The following ACAP2 variants were observed in gnomAD, a reference collection of about 807,000 sequenced individuals.
ACAP2 encodes the protein ArfGAP with coiled-coil, ankyrin repeat and PH domains 2.
ACAP2 carries 39 observed loss-of-function variants against 115.8 expected under a neutral mutation model. The observed-to-expected ratio is 0.34, with a 90% confidence interval of 0.26 to 0.44. The LOEUF is 0.44. Ranked by LOEUF, ACAP2 falls within the 20% of genes least tolerant of loss-of-function variation. The pLI, the probability that ACAP2 is intolerant of heterozygous loss-of-function variation, is 1.00. For synonymous variants in ACAP2, 289 were observed against 315.8 expected, an observed-to-expected ratio of 0.92 and a Z score of 0.90; for missense variants, 662 against 927.6, an observed-to-expected ratio of 0.71 and a Z score of 3.72.
rs869120673 is a variant in ACAP2, at chr3:195,412,164, C to CAA, written c.54-20019_54-20018dup. ...TGGGTCACAGAGTGAGACCCTGTCT[C>CAA]AAAAAAAAAAAAAAAAAAAAAAAAA... is the stretch of plus-strand genomic sequence containing the variant. On this transcript the variant is annotated intron_variant, in intron 1 of 22. Coordinates refer to ENST00000326793, the MANE Select transcript of ACAP2 (RefSeq NM_012287.6). 2.7e-3 allele frequency among the ~76,000 whole-genome samples: 131 copies of CAA among 48,570 alleles called. 9 individuals are homozygous for CAA. The highest frequency in any genetic ancestry group is 6.9e-3 in the African/African-American group (98 of 14,144). The allele number at this position is 48,570 out of a possible 152,430, so 31.9% of individuals were successfully genotyped here.
At position 195,275,641 on chromosome 3, in the gene ACAP2, G is replaced by A. The variant is rs906846280; in HGVS notation, c.*3687C>T. The A allele has an allele frequency of 1.3e-5, 2 of 152,134 alleles. No individual in the cohort carries two copies. The highest frequency in any genetic ancestry group is 2.4e-5 in the African/African-American group (1 of 41,434). 9.4% of individuals were successfully genotyped at this position (152,134 alleles called of 1,614,324 possible). ...CTGACTGGTGGTCAGTCAGACCTGG[G>A]TAATGGTGCCAATTCTGCCACCAGC... On this transcript the variant is annotated 3_prime_UTR_variant, in exon 23 of 23. Transcript: ENST00000326793.
At chr3:195,427,869 T>C (rs574573831) in intron 1 of ACAP2, among the ~76,000 whole-genome samples, 1 of 152,036 alleles carries the variant, frequency 6.6e-6, no homozygotes, top group East Asian at 1.9e-4. Flanking sequence ...ATAACACCAC[T>C]GCACTCCAAC....
chr3:195,297,496 A>G (rs758076691), intron 15 of ACAP2, among the ~76,000 whole-genome samples: 1 of 152,218 alleles, frequency 6.6e-6, no homozygotes, highest in Non-Finnish European at 1.5e-5. Flanking sequence ...TACCTCTGCT[A>G]GAAGATTATC....
Position 195,381,911 on chromosome 3 carries a change from C to T in ACAP2, c.223G>A (p.Val75Ile). ...DLAQYSSNDA[V>I]VETSLTKFSD... ...ATTTTAGTAATACTAACCTCAACGA[C>T]AGCATCATTACTAGAATACTGAGCC... Residue 75 changes from valine (V) to isoleucine (I), a missense_variant, in exon 3 of 23, where the codon GTC (valine) becomes ATC (isoleucine). Around this residue, in one of 3 missense-constraint regions of ACAP2, gnomAD observed 401 missense variants for 604.4 expected, o/e 0.66. Transcript: ENST00000326793. 6.3e-7 allele frequency: 1 copy of T among 1,596,660 alleles called. No individual in the cohort carries two copies. The highest frequency in any genetic ancestry group is 8.5e-7 in the Non-Finnish European group (1 of 1,175,168).
intron 6 of ACAP2, among the ~76,000 whole-genome samples, chr3:195,340,882 T>G (rs1730821833): frequency 6.6e-6 from 1 of 152,192 alleles, no homozygotes; most frequent in Admixed American, 6.5e-5. Context: ...GTACAGTCTA[T>G]TCATCTTAAA....
chr3:195,314,497 G>A (rs1367676325), intron 10 of ACAP2, among the ~76,000 whole-genome samples: 1 of 152,138 alleles, frequency 6.6e-6, no homozygotes, highest in Non-Finnish European at 1.5e-5. Context: ...TTGAACGCCT[G>A]ACCTCAAGTG....
chr3:195,317,467 C>T (rs1729171866), intron 10 of ACAP2, among the ~76,000 whole-genome samples: 1 of 152,108 alleles, frequency 6.6e-6, no homozygotes, highest in Non-Finnish European at 1.5e-5. Context: ...ACTCATATTA[C>T]AGAATTTTTT....
intron 20 of ACAP2, among the ~76,000 whole-genome samples, chr3:195,290,813 A>T (rs543477611): frequency 1.6e-4 from 22 of 138,442 alleles, no homozygotes; most frequent in African/African-American, 6.2e-4. Context: ...ACTTTATCTC[A>T]AAATAAATAA....
rs1726319173 is a variant in ACAP2 at position 195,279,098 on chromosome 3, A to C, written c.*230T>G. ...TCTAGACTGAACTTCTGTCTACAGA[A>C]ATAGCCCTTTAAATAGGCTTTTTTA... On this transcript the variant is annotated 3_prime_UTR_variant, in exon 23 of 23. Coordinates refer to ENST00000326793, the MANE Select transcript of ACAP2 (RefSeq NM_012287.6). 1 of 362,904 alleles carries C rather than the reference A, an allele frequency of 2.8e-6. No individual in the cohort carries two copies. Among genetic ancestry groups the C allele is most frequent in the Admixed American group, 4.7e-5 (1 of 21,290 alleles). The allele number at this position is 362,904 out of a possible 1,614,324, so 22.5% of individuals were successfully genotyped here. A position where few individuals can be genotyped will look rare whatever the true frequency, so the allele number is the denominator to read the frequency against.
chr3:195,357,719 T>C (rs963594255), intron 4 of ACAP2: 7 of 152,248 alleles, frequency 4.6e-5, no homozygotes, highest in Non-Finnish European at 8.8e-5. Context: ...CTTCCAGATG[T>C]TATCCAAGAC....
chr3:195,312,736 A>G (rs1728849845), intron 10 of ACAP2, among the ~76,000 whole-genome samples: 1 of 152,240 alleles, frequency 6.6e-6, no homozygotes, highest in South Asian at 2.1e-4. Context: ...ATTCCTTTAC[A>G]GATTAAAACA....
At chr3:195,369,363 C>G (rs542381774) in intron 4 of ACAP2, among the ~76,000 whole-genome samples, 3 of 152,242 alleles carry the variant, frequency 2.0e-5, no homozygotes, top group Admixed American at 6.5e-5. Flanking sequence ...TGTTTCATCA[C>G]CCAGGTAACA....
chr3:195,421,703 G>A (rs1048515206), intron 1 of ACAP2, among the ~76,000 whole-genome samples: 4 of 152,178 alleles, frequency 2.6e-5, no homozygotes, highest in African/African-American at 9.7e-5. Flanking sequence ...TTTGTAATTT[G>A]TACGGAAGTT....
intron 1 of ACAP2, among the ~76,000 whole-genome samples, chr3:195,397,853 C>T (rs1577413347): frequency 6.6e-6 from 1 of 151,996 alleles, no homozygotes; most frequent in African/African-American, 2.4e-5. Flanking sequence ...TGTTATGGGG[C>T]CACCTGAGAA....
intron 15 of ACAP2, among the ~76,000 whole-genome samples, chr3:195,298,863 TCAGGTGATCCA>T (rs556134405): frequency 0.013 from 1,968 of 152,276 alleles, 32 homozygotes; most frequent in African/African-American, 0.043. Flanking sequence ...ACTCCGGACC[TCAGGTGATCCA>T]CCTGCCTCAG....
intron 4 of ACAP2, chr3:195,357,650 T>G (rs1732067683): frequency 1.3e-5 from 2 of 152,174 alleles, no homozygotes; most frequent in Admixed American, 1.3e-4. Flanking sequence ...GAGACTGCAC[T>G]CATTTTGGAG....
intron 7 of ACAP2, 45 bp from the exon 8 acceptor site, chr3:195,333,168 T>TA (rs1209548346): frequency 1.9e-6 from 2 of 1,043,304 alleles, no homozygotes; most frequent in African/African-American, 3.3e-5. Flanking sequence ...TATTCCTAGA[T>TA]AGACATTCTG....
chr3:195,344,105 C>T (rs546127032), intron 5 of ACAP2, among the ~76,000 whole-genome samples: 1 of 152,292 alleles, frequency 6.6e-6, no homozygotes, highest in South Asian at 2.1e-4. Context: ...GTAGTCCTAA[C>T]TACTCAGGAG....
intron 20 of ACAP2, among the ~76,000 whole-genome samples, chr3:195,290,027 G>A (rs1223375742): frequency 6.6e-6 from 1 of 151,960 alleles, no homozygotes; most frequent in Non-Finnish European, 1.5e-5. Context: ...AAATATGAAA[G>A]AATAACTAAA....
Sources: allele counts gnomAD v4.1 joint callset (sites outside exome capture counted in the v4.1 genomes callset), GRCh38; gene constraint gnomAD v4.1.1; regional missense constraint gnomAD v4.1.1; transcripts MANE v1.5; gene names NCBI Gene and HGNC (gene_info 2026-07-23, HGNC 2026-07-21).